Variants in DCC observed in about 807,000 individuals in gnomAD.
The protein encoded by DCC is DCC netrin 1 receptor, also known as netrin receptor DCC.
DCC carries 58 observed loss-of-function variants against 172.5 expected under a neutral mutation model. The ratio of observed to expected loss-of-function variants is 0.34; its 90% CI spans 0.27 to 0.42. DCC has a LOEUF of 0.42. Among genes scored for constraint, DCC ranks in the 10% least tolerant of loss-of-function variants. The pLI is 1.00. For missense variants in DCC, 1,740 were observed against 1,791.0 expected, an observed-to-expected ratio of 0.97 and a Z score of 0.51; for synonymous variants, 709 against 644.5, an observed-to-expected ratio of 1.10 and a Z score of -1.52.
At chr18:52,776,952 C>T (rs557367866) in intron 2 of DCC, among the ~76,000 whole-genome samples, 9 of 152,254 alleles carry the variant, frequency 5.9e-5, no homozygotes, top group Admixed American at 5.2e-4. Context: ...GGAGAAGGTC[C>T]TTGACTAGCA....
intron 27 of DCC, among the ~76,000 whole-genome samples, chr18:53,519,110 G>A (rs554904201): frequency 9.5e-4 from 145 of 152,202 alleles, no homozygotes; most frequent in Non-Finnish European, 1.7e-3. Flanking sequence ...AAATCCAAAT[G>A]TAAAGTTAAG....
At chr18:53,085,379 T>C (rs2042863028) in intron 7 of DCC, among the ~76,000 whole-genome samples, 1 of 152,156 alleles carries the variant, frequency 6.6e-6, no homozygotes, top group South Asian at 2.1e-4. Context: ...TAAGGATCTT[T>C]ACCAGTTCCT....
At chr18:53,439,769 C>CTTTT (rs1292726340) in intron 22 of DCC, among the ~76,000 whole-genome samples, 2 of 127,214 alleles carry the variant, frequency 1.6e-5, no homozygotes, top group Admixed American at 8.2e-5. Flanking sequence ...TAGTATTTTT[C>CTTTT]TTTTTTTTTT....
chr18:53,512,424 G>A (rs936466706), intron 27 of DCC, among the ~76,000 whole-genome samples: 6 of 151,676 alleles, frequency 4.0e-5, no homozygotes, highest in East Asian at 1.9e-4. Context: ...CCAAAAGAAC[G>A]CAGTTCCTCA....
rs143803441 is a variant in DCC, at chr18:52,589,464, G to A, written c.92-162590G>A. On this transcript the variant is annotated intron_variant, in intron 1 of 28. Transcript: ENST00000442544. ...CCTGAAGGCTTTGGATATTATCAGG[G>A]TAGATAATCCATATGCAATATTTGA... Among the ~76,000 whole-genome samples the A allele has an allele frequency of 3.0e-3, 459 of 152,250 alleles. 3 individuals carry two copies. Among genetic ancestry groups the A allele is most frequent in the African/African-American group, 0.01 (436 of 41,538 alleles).
chr18:53,509,328 C>T (rs961395031), intron 27 of DCC, among the ~76,000 whole-genome samples: 2 of 152,198 alleles, frequency 1.3e-5, no homozygotes, highest in Non-Finnish European at 2.9e-5. Flanking sequence ...TGGGTAATGT[C>T]CAAACATGAT....
chr18:52,743,529 T>C (rs1251886359), intron 1 of DCC, among the ~76,000 whole-genome samples: 1 of 152,186 alleles, frequency 6.6e-6, no homozygotes, highest in African/African-American at 2.4e-5. Flanking sequence ...GAGAGTTAGC[T>C]CTTGGGGCAA....
intron 2 of DCC, among the ~76,000 whole-genome samples, chr18:52,899,106 T>G (rs1334850928): frequency 6.6e-6 from 1 of 152,178 alleles, no homozygotes; most frequent in Non-Finnish European, 1.5e-5. Flanking sequence ...AGCTCTTTTC[T>G]GCTTTCCTGA....
At chr18:53,067,989 GAAATAA>G (rs752367851) in intron 7 of DCC, among the ~76,000 whole-genome samples, 1 of 152,084 alleles carries the variant, frequency 6.6e-6, no homozygotes, top group Non-Finnish European at 1.5e-5. Context: ...TTCCTTGATT[GAAATAA>G]AAATAAAATA....
intron 1 of DCC, among the ~76,000 whole-genome samples, chr18:52,365,011 G>C (rs1359673465): frequency 2.6e-5 from 4 of 151,420 alleles, no homozygotes; most frequent in Non-Finnish European, 5.9e-5. Context: ...CTCATTGGCT[G>C]AACACAGTAC....
intron 7 of DCC, among the ~76,000 whole-genome samples, chr18:53,147,125 A>G (rs1347884631): frequency 6.6e-6 from 1 of 152,186 alleles, no homozygotes; most frequent in African/African-American, 2.4e-5. Context: ...TTTAAGGTGT[A>G]AGTACTAGGT....
At chr18:52,891,879 T>C (rs1201248625) in intron 2 of DCC, among the ~76,000 whole-genome samples, 1 of 152,134 alleles carries the variant, frequency 6.6e-6, no homozygotes, top group Non-Finnish European at 1.5e-5. Flanking sequence ...CTTCCACTCT[T>C]GTATTCACCA....
At chr18:53,229,918 C>CT (rs1465734242) in intron 12 of DCC, among the ~76,000 whole-genome samples, 1 of 152,056 alleles carries the variant, frequency 6.6e-6, no homozygotes, top group Non-Finnish European at 1.5e-5. Context: ...GACTATAAGC[C>CT]TTTATTTTCT....
chr18:53,298,254 T>C (rs531972112), intron 12 of DCC, among the ~76,000 whole-genome samples: 1 of 152,132 alleles, frequency 6.6e-6, no homozygotes, highest in South Asian at 2.1e-4. Context: ...ATTAGACTCA[T>C]AACTGGGGAT....
At chr18:52,388,066 G>A (rs1446027748) in intron 1 of DCC, among the ~76,000 whole-genome samples, 1 of 151,982 alleles carries the variant, frequency 6.6e-6, no homozygotes, top group Non-Finnish European at 1.5e-5. Flanking sequence ...ACCAGGCAGG[G>A]CTCAGCCTGC....
intron 1 of DCC, among the ~76,000 whole-genome samples, chr18:52,353,678 T>C (rs946789301): frequency 7.2e-5 from 11 of 152,146 alleles, no homozygotes; most frequent in Admixed American, 6.5e-4. Context: ...GCTTTTGCTC[T>C]GCACTGCCTG....
intron 1 of DCC, among the ~76,000 whole-genome samples, chr18:52,435,863 G>T (rs1408468165): frequency 6.6e-6 from 1 of 152,164 alleles, no homozygotes; most frequent in African/African-American, 2.4e-5. Flanking sequence ...CGGAGCACCT[G>T]CCCAGGGGGA....
chr18:52,459,794 A>G (rs1304387908), intron 1 of DCC, among the ~76,000 whole-genome samples: 1 of 151,924 alleles, frequency 6.6e-6, no homozygotes, highest in Non-Finnish European at 1.5e-5. Flanking sequence ...CTGTTCCTGC[A>G]TTAGTTTGTT....
intron 12 of DCC, among the ~76,000 whole-genome samples, chr18:53,258,595 G>C (rs2056553416): frequency 6.6e-6 from 1 of 152,062 alleles, no homozygotes; most frequent in South Asian, 2.1e-4. Context: ...TATAATTTCT[G>C]TTCTTTTACA....
Sources: gnomAD v4.1 joint callset for allele counts (sites outside exome capture counted in the v4.1 genomes callset) on GRCh38, gnomAD v4.1.1 for gene constraint, MANE v1.5 for transcripts, NCBI Gene and HGNC (gene_info 2026-07-23, HGNC 2026-07-21) for gene names.